Variants in PCDH11X observed in about 807,000 individuals in gnomAD.
PCDH11X encodes the protein protocadherin 11 X-linked.
Under a neutral mutation model 53.3 loss-of-function variants are expected in PCDH11X, and 18 were observed. That is an observed-to-expected ratio of 0.34 (90% CI 0.23 to 0.50). PCDH11X has a LOEUF of 0.50. Among genes scored for constraint, PCDH11X ranks in the 20% least tolerant of loss-of-function variants. PCDH11X has a pLI of 0.98. For missense variants in PCDH11X, 570 were observed against 1,032.4 expected (o/e 0.55, Z 6.14); for synonymous variants, 279 against 393.3 (o/e 0.71, Z 3.44).
intron 6 of PCDH11X, among the ~76,000 whole-genome samples, chrX:92,023,240 A>C (rs1314684118): frequency 5.6e-5 from 6 of 107,696 alleles, no homozygotes; most frequent in Non-Finnish European, 9.6e-5. Flanking sequence ...CTAGTTTTTC[A>C]AAAAAAAAAA....
At chrX:92,216,205 G>C (rs1285926487) in intron 7 of PCDH11X, among the ~76,000 whole-genome samples, 2 of 110,944 alleles carry the variant, frequency 1.8e-5, no homozygotes, top group African/African-American at 6.6e-5. Flanking sequence ...GCTGGACAGA[G>C]AATGACTTTG....
At chrX:92,609,368 A>G (rs1285767456) in intron 10 of PCDH11X, among the ~76,000 whole-genome samples, 1 of 111,620 alleles carries the variant, frequency 9.0e-6, no homozygotes, top group Non-Finnish European at 1.9e-5. Context: ...CTGTGTCAGC[A>G]GCAGCATCAA....
chrX:91,882,249 TA>T (rs1939944451), intron 6 of PCDH11X, among the ~76,000 whole-genome samples: 1 of 111,136 alleles, frequency 9.0e-6, no homozygotes, highest in Admixed American at 9.6e-5. Context: ...GTAGAAATTT[TA>T]AAAACATGAA....
At chrX:92,407,180 C>T (rs2071540004) in intron 9 of PCDH11X, among the ~76,000 whole-genome samples, 1 of 108,966 alleles carries the variant, frequency 9.2e-6, no homozygotes, top group African/African-American at 3.3e-5. Flanking sequence ...TTTAGTCCCT[C>T]CACTTCCACT....
intron 6 of PCDH11X, among the ~76,000 whole-genome samples, chrX:92,108,430 A>G (rs1457724886): frequency 4.5e-5 from 5 of 112,083 alleles, no homozygotes; most frequent in Non-Finnish European, 7.5e-5. Context: ...AATTTTTGGT[A>G]GAGGCTTAGA....
At chrX:92,183,709 G>T (rs1487826189) in intron 6 of PCDH11X, among the ~76,000 whole-genome samples, 1 of 112,040 alleles carries the variant, frequency 8.9e-6, no homozygotes, top group African/African-American at 3.2e-5. Flanking sequence ...TATTTTCCTT[G>T]ATCATTCTGT....
At chrX:91,803,381 G>T (rs931686298) in intron 1 of PCDH11X, among the ~76,000 whole-genome samples, 10 of 110,501 alleles carry the variant, frequency 9.0e-5, no homozygotes, top group African/African-American at 3.3e-4. Context: ...TCTAAACTCG[G>T]ATTTCAAACA....
intron 9 of PCDH11X, among the ~76,000 whole-genome samples, chrX:92,397,753 T>A (rs1280192083): frequency 9.0e-6 from 1 of 110,531 alleles, no homozygotes; most frequent in Non-Finnish European, 1.9e-5. Flanking sequence ...GCATTCTCAG[T>A]TGTTGGATAA....
At chrX:92,217,493 G>T (rs1368867930) in intron 7 of PCDH11X, among the ~76,000 whole-genome samples, 1 of 99,088 alleles carries the variant, frequency 1.0e-5, no homozygotes, top group Non-Finnish European at 2.1e-5. Flanking sequence ...AATTCAACAA[G>T]AAGAGCTAAC....
chrX:91,787,015 C>G (rs1489407630), intron 1 of PCDH11X, among the ~76,000 whole-genome samples: 3 of 108,909 alleles, frequency 2.8e-5, no homozygotes, highest in African/African-American at 6.7e-5. Context: ...TCTTTTTGCA[C>G]TAAGCTTTGT....
At chrX:91,859,332 G>C (rs1476878618) in intron 5 of PCDH11X, among the ~76,000 whole-genome samples, 1 of 107,608 alleles carries the variant, frequency 9.3e-6, no homozygotes, top group Non-Finnish European at 1.9e-5. Context: ...TTGTAAATTT[G>C]TTTAAGTTCC....
chrX:91,871,889 C>A (rs1246533124), intron 5 of PCDH11X, among the ~76,000 whole-genome samples: 1 of 110,811 alleles, frequency 9.0e-6, no homozygotes, highest in Non-Finnish European at 1.9e-5. Context: ...ATATCACTCA[C>A]AAATGAAGGT....
chrX:92,108,895 G>C (rs2064441792), intron 6 of PCDH11X, among the ~76,000 whole-genome samples: 1 of 111,688 alleles, frequency 9.0e-6, no homozygotes, highest in Non-Finnish European at 1.9e-5. Context: ...ATCATTATAA[G>C]TTTTGTAATA....
intron 8 of PCDH11X, among the ~76,000 whole-genome samples, chrX:92,301,203 G>A (rs756161432): frequency 4.5e-5 from 5 of 110,233 alleles, no homozygotes; most frequent in Admixed American, 9.7e-5. Flanking sequence ...GCTATGATGC[G>A]GGATCCTGCA....
chrX:92,600,637 A>C (rs1926127582), intron 10 of PCDH11X, among the ~76,000 whole-genome samples: 1 of 108,926 alleles, frequency 9.2e-6, no homozygotes, highest in African/African-American at 3.4e-5. Flanking sequence ...GCAGAAGGGA[A>C]ATGTGAGGTG....
At chrX:92,369,494 C>T (rs960205379) in intron 8 of PCDH11X, among the ~76,000 whole-genome samples, 4 of 111,259 alleles carry the variant, frequency 3.6e-5, no homozygotes, top group Non-Finnish European at 7.5e-5. Flanking sequence ...GGCTCCCTGG[C>T]TTCAGCTCCC....
chrX:92,589,513 T>G, intron 10 of PCDH11X, among the ~76,000 whole-genome samples: 1 of 111,767 alleles, frequency 8.9e-6, no homozygotes, highest in Non-Finnish European at 1.9e-5. Context: ...ACTGTTAAGT[T>G]TTTACCACCT....
chrX:91,875,277 ATT>A (rs1179910381), intron 5 of PCDH11X, among the ~76,000 whole-genome samples: 1,347 of 63,609 alleles, frequency 0.021, 26 homozygotes, highest in African/African-American at 0.086. Flanking sequence ...CAGGGAGGGG[ATT>A]TTTTTTTTTT....
intron 8 of PCDH11X, among the ~76,000 whole-genome samples, chrX:92,294,487 A>G (rs2148461751): frequency 8.9e-6 from 1 of 112,660 alleles, no homozygotes; most frequent in East Asian, 2.8e-4. Context: ...TTATCCTGGC[A>G]TAAATTCTAG....
Sources: gnomAD v4.1 joint callset for allele counts (sites outside exome capture counted in the v4.1 genomes callset) on GRCh38, gnomAD v4.1.1 for gene constraint, MANE v1.5 for transcripts, NCBI Gene and HGNC (gene_info 2026-07-23, HGNC 2026-07-21) for gene names.